Variants in CASTOR2 observed in about 807,000 individuals in gnomAD.
CASTOR2 encodes GATS protein like 2.
A neutral mutation model predicts 31.2 loss-of-function variants in CASTOR2; 8 were observed. The observed-to-expected ratio is 0.26, with a 90% confidence interval of 0.15 to 0.46. CASTOR2 has a LOEUF of 0.46. Ranked by LOEUF, CASTOR2 falls within the 20% of genes least tolerant of loss-of-function variation. The pLI, the probability that CASTOR2 is intolerant of heterozygous loss-of-function variation, is 0.99. For synonymous variants in CASTOR2, 162 were observed against 158.7 expected (o/e 1.02, Z -0.16); for missense variants, 216 against 382.1 (o/e 0.57, Z 3.62).
chr7:75,011,755 A>G (rs1417886459), intron 2 of CASTOR2, among the ~76,000 whole-genome samples: 1 of 149,740 alleles, frequency 6.7e-6, no homozygotes, highest in Non-Finnish European at 1.5e-5. Context: ...AACCAAAAAA[A>G]AAAGGAGTTC....
At chr7:75,012,413 C>T (rs1190757746) in intron 2 of CASTOR2, among the ~76,000 whole-genome samples, 2 of 152,078 alleles carry the variant, frequency 1.3e-5, no homozygotes, top group Non-Finnish European at 2.9e-5. Context: ...AGCGATTCTC[C>T]TGCCTCAGCC....
chr7:75,025,360 AGGG>A lies in CASTOR2; in HGVS notation c.*662_*664del, dbSNP rs1805098577. On this transcript the variant is annotated 3_prime_UTR_variant, in exon 9 of 9. Coordinates refer to ENST00000616305, the MANE Select transcript of CASTOR2 (RefSeq NM_001145064.3). ...CCCGACTCCCAGCAAGACTGCCAAG[AGGG>A]CCCTGTCCAGACCCTCCCCCACAAG... Among the ~76,000 whole-genome samples, 2 of 152,156 alleles carry A rather than the reference AGGG, an allele frequency of 1.3e-5. No individual in the cohort carries two copies. Among genetic ancestry groups the A allele is most frequent in the Non-Finnish European group, 2.9e-5 (2 of 67,994 alleles).
chr7:75,011,990 A>C (rs1344113842), intron 2 of CASTOR2, among the ~76,000 whole-genome samples: 1 of 152,010 alleles, frequency 6.6e-6, no homozygotes, highest in Non-Finnish European at 1.5e-5. Flanking sequence ...AAAAAAAACA[A>C]GAGTAAAGAC....
chr7:74,977,184 C>CAAA (rs1160729242), intron 1 of CASTOR2, among the ~76,000 whole-genome samples: 8 of 35,964 alleles, frequency 2.2e-4, no homozygotes, highest in Admixed American at 5.7e-4. Flanking sequence ...AACTCCATCT[C>CAAA]AAAAAAAAAA....
intron 1 of CASTOR2, among the ~76,000 whole-genome samples, chr7:74,987,538 A>G (rs1173526637): frequency 2.0e-5 from 3 of 152,130 alleles, no homozygotes; most frequent in African/African-American, 7.2e-5. Context: ...CGCAGAGGGC[A>G]GGGACAGGTG....
chr7:74,992,366 C>T (rs1460084113), intron 1 of CASTOR2, among the ~76,000 whole-genome samples: 6 of 152,242 alleles, frequency 3.9e-5, no homozygotes, highest in East Asian at 3.9e-4. Context: ...CTTCGGGAGG[C>T]AAAGGTGGGA....
At position 75,028,099 on chromosome 7, in the gene CASTOR2, G is replaced by GCT; in HGVS notation, c.*3405_*3406dup. 1 of 1,511,922 alleles carries GCT rather than the reference G, an allele frequency of 6.6e-7. No individual in the cohort carries two copies. Among genetic ancestry groups the GCT allele is most frequent in the Non-Finnish European group, 8.8e-7 (1 of 1,138,708 alleles). 93.7% of individuals were successfully genotyped at this position (1,511,922 alleles called of 1,614,324 possible). On this transcript the variant is annotated 3_prime_UTR_variant, in exon 9 of 9. Coordinates refer to ENST00000616305, the MANE Select transcript of CASTOR2 (RefSeq NM_001145064.3). Reference sequence around the variant, plus strand: ...AGGTGCCTGGCGGGGGAGGAAGAGGGCTCTCTATGATGTGGAATTTTTTTT... The same window carrying GCT: ...AGGTGCCTGGCGGGGGAGGAAGAGGGCTCTCTCTATGATGTGGAATTTTTTTT...
intron 2 of CASTOR2, among the ~76,000 whole-genome samples, chr7:75,010,914 G>A (rs1249349470): frequency 1.4e-4 from 21 of 151,736 alleles, no homozygotes; most frequent in African/African-American, 4.4e-4. Context: ...GTGCAGTGGC[G>A]TGATCTTGGC....
intron 1 of CASTOR2, among the ~76,000 whole-genome samples, chr7:74,999,245 C>A (rs1243336136): frequency 6.6e-6 from 1 of 152,044 alleles, no homozygotes; most frequent in African/African-American, 2.4e-5. Context: ...CTCCTGACCT[C>A]GTGATCCACC....
At chr7:75,000,913 T>C (rs1238627837) in intron 1 of CASTOR2, among the ~76,000 whole-genome samples, 10 of 152,178 alleles carry the variant, frequency 6.6e-5, no homozygotes, top group African/African-American at 2.2e-4. Flanking sequence ...GCCACCTGCC[T>C]CTGCCTCCCA....
At chr7:74,983,763 CAT>C (rs1254346636) in intron 1 of CASTOR2, among the ~76,000 whole-genome samples, 2 of 150,284 alleles carry the variant, frequency 1.3e-5, no homozygotes, top group East Asian at 4.0e-4. Flanking sequence ...GTTCCTACCA[CAT>C]ATTCCCAGGC....
chr7:75,021,726 C>A, intron 6 of CASTOR2, 148 bp from the exon 7 acceptor site: 1 of 944,390 alleles, frequency 1.1e-6, no homozygotes, highest in Non-Finnish European at 1.7e-6. Context: ...TCCAGGGTGT[C>A]TGGAAGGGAT....
intron 1 of CASTOR2, among the ~76,000 whole-genome samples, chr7:74,984,944 C>G (rs1189393725): frequency 2.4e-4 from 36 of 152,098 alleles, no homozygotes; most frequent in African/African-American, 8.5e-4. Flanking sequence ...CCAGCCTGGC[C>G]AATGGGGTTA....
intron 2 of CASTOR2, among the ~76,000 whole-genome samples, chr7:75,013,212 G>A (rs1320155819): frequency 1.3e-5 from 2 of 152,238 alleles, no homozygotes; most frequent in African/African-American, 4.8e-5. Context: ...GCCAGGGTGT[G>A]TGTTCACTGG....
chr7:74,992,462 C>T lies in CASTOR2; in HGVS notation c.114-15532C>T, dbSNP rs1554437451. Reference sequence around the variant, plus strand: ...ACACGAAAAGATTTTTTTTTTAAGACGGAGTCTTGCTCTGTCACCCAGGCT... The same window carrying T: ...ACACGAAAAGATTTTTTTTTTAAGATGGAGTCTTGCTCTGTCACCCAGGCT... On this transcript the variant is annotated intron_variant, in intron 1 of 8. Transcript: ENST00000616305. 6.6e-3 allele frequency among the ~76,000 whole-genome samples: 1,011 copies of T among 152,032 alleles called. 15 individuals carry two copies. The highest frequency in any genetic ancestry group is 0.022 in the African/African-American group (931 of 41,502).
rs1426038546 is a variant in CASTOR2 at position 74,995,679 on chromosome 7, G to T, written c.114-12315G>T. 7.1e-3 allele frequency among the ~76,000 whole-genome samples: 1,082 copies of T among 152,032 alleles called. 14 individuals are homozygous for T. Among genetic ancestry groups the T allele is most frequent in the African/African-American group, 0.025 (1,026 of 41,476 alleles). The stretch of plus-strand genomic sequence containing the variant: ...AAAATTTAGCCAGGTGTGGTGGCAG[G>T]CGCCTGTAGTCCCAGCTACTTGGGA... On this transcript the variant is annotated intron_variant, in intron 1 of 8. Coordinates refer to ENST00000616305, the MANE Select transcript of CASTOR2 (RefSeq NM_001145064.3).
intron 1 of CASTOR2, among the ~76,000 whole-genome samples, chr7:75,000,651 C>T (rs1423134058): frequency 1.3e-5 from 2 of 151,910 alleles, no homozygotes; most frequent in Non-Finnish European, 2.9e-5. Context: ...TGGCCAGGCT[C>T]TTTTTTGTTT....
chr7:75,017,898 TG>T, intron 3 of CASTOR2, 91 bp from the exon 4 acceptor site: 2 of 1,613,464 alleles, frequency 1.2e-6, no homozygotes, highest in South Asian at 2.2e-5. Flanking sequence ...TATTCCAGGG[TG>T]GGGGCAGAGT....
chr7:75,021,747 G>A (rs1442323139), intron 6 of CASTOR2, 127 bp from the exon 7 acceptor site: 7 of 1,130,490 alleles, frequency 6.2e-6, no homozygotes, highest in Non-Finnish European at 9.2e-6. Flanking sequence ...TGTTTTTGGG[G>A]GGCCCTGAGG....
Sources: gnomAD v4.1 joint callset for allele counts (sites outside exome capture counted in the v4.1 genomes callset) on GRCh38, gnomAD v4.1.1 for gene constraint, MANE v1.5 for transcripts, NCBI Gene and HGNC (gene_info 2026-07-23, HGNC 2026-07-21) for gene names.